GFRA1: variants seen among roughly 807,000 people sequenced by gnomAD.
GFRA1 encodes GDNF family receptor alpha 1.
GFRA1 carries 16 observed loss-of-function variants against 51.6 expected under a neutral mutation model. The observed-to-expected ratio is 0.31, with a 90% CI of 0.21 to 0.47. GFRA1 has a LOEUF of 0.47. Ranked by LOEUF, GFRA1 falls within the 20% of genes least tolerant of loss-of-function variation. The pLI, the probability that GFRA1 is intolerant of heterozygous loss-of-function variation, is 1.00. For synonymous variants in GFRA1, 270 were observed against 241.3 expected (o/e 1.12, Z -1.10); for missense variants, 530 against 594.3 (o/e 0.89, Z 1.13).
chr10:116,177,331 T>C (rs1394585318), intron 5 of GFRA1, among the ~76,000 whole-genome samples: 1 of 152,124 alleles, frequency 6.6e-6, no homozygotes, highest in East Asian at 1.9e-4. Context: ...TGCAATGGTC[T>C]AGGCAAAATA....
chr10:116,073,832 C>T (rs778684819), intron 9 of GFRA1, among the ~76,000 whole-genome samples: 18 of 152,060 alleles, frequency 1.2e-4, no homozygotes, highest in Non-Finnish European at 2.4e-4. Context: ...GGCTCTGTGA[C>T]TTATGGTGGT....
intron 9 of GFRA1, among the ~76,000 whole-genome samples, chr10:116,076,910 T>C (rs1425772399): frequency 2.0e-5 from 3 of 152,142 alleles, no homozygotes; most frequent in African/African-American, 7.2e-5. Flanking sequence ...GACAATGAGA[T>C]CATGCCTTCT....
intron 5 of GFRA1, among the ~76,000 whole-genome samples, chr10:116,158,963 T>C (rs950447356): frequency 2.0e-5 from 3 of 152,212 alleles, no homozygotes; most frequent in Admixed American, 6.5e-5. Flanking sequence ...ACCAAACGCA[T>C]GGGCATCCCA....
intron 5 of GFRA1, among the ~76,000 whole-genome samples, chr10:116,175,780 C>T (rs983146868): frequency 2.0e-5 from 3 of 152,208 alleles, no homozygotes; most frequent in East Asian, 3.8e-4. Context: ...CACTGCTTTT[C>T]AAATTCAGGA....
In GFRA1 at chr10:116,057,272, G is replaced by GA. The variant is rs1007446571; in HGVS notation, c.*7125dup. The GA allele has an allele frequency of 4.5e-4, 69 of 152,270 alleles. No individual in the cohort carries two copies. The highest frequency in any genetic ancestry group is 1.6e-3 in the African/African-American group (66 of 41,554). The allele number at this position is 152,270 out of a possible 1,614,324, so 9.4% of individuals were successfully genotyped here. A position where few individuals can be genotyped will look rare whatever the true frequency, so the allele number is the denominator to read the frequency against. ...CAGTAAACACACAATATAACATGGA[G>GA]ACCCGCCCGAAGCCTAACTGGAGGC... On this transcript the variant is annotated 3_prime_UTR_variant, in exon 11 of 11. Transcript: ENST00000355422.
At chr10:116,210,976 C>T (rs2134441679) in intron 5 of GFRA1, among the ~76,000 whole-genome samples, 1 of 152,244 alleles carries the variant, frequency 6.6e-6, no homozygotes, top group Admixed American at 6.5e-5. Flanking sequence ...CCTGCTGCAC[C>T]CCAGAGCACA....
intron 5 of GFRA1, among the ~76,000 whole-genome samples, chr10:116,127,786 G>A (rs1957937839): frequency 6.6e-6 from 1 of 152,106 alleles, no homozygotes. Context: ...TTGAGCCCAG[G>A]GCAGTGATTT....
chr10:116,188,631 C>T (rs991819473), intron 5 of GFRA1, among the ~76,000 whole-genome samples: 12 of 152,212 alleles, frequency 7.9e-5, no homozygotes, highest in East Asian at 1.9e-4. Flanking sequence ...GGGCCGGGCA[C>T]GGTGGCTCAC....
chr10:116,113,681 G>A (rs1400747422), intron 6 of GFRA1, among the ~76,000 whole-genome samples: 1 of 152,156 alleles, frequency 6.6e-6, no homozygotes, highest in Non-Finnish European at 1.5e-5. Context: ...CAGACCCTCT[G>A]GGTTCCTTGA....
At chr10:116,138,758 G>T (rs547192748) in intron 5 of GFRA1, among the ~76,000 whole-genome samples, 1 of 151,712 alleles carries the variant, frequency 6.6e-6, no homozygotes, top group South Asian at 2.1e-4. Flanking sequence ...GCCTCAGTGA[G>T]CCTTCATGTT....
intron 4 of GFRA1, among the ~76,000 whole-genome samples, chr10:116,220,367 C>T (rs1346220959): frequency 1.3e-5 from 2 of 152,160 alleles, no homozygotes; most frequent in African/African-American, 4.8e-5. Flanking sequence ...TTTTATCACA[C>T]ATGTATTCCT....
At position 116,105,768 on chromosome 10, in the gene GFRA1, CCACAACTAG is replaced by C. The variant is rs545023798; in HGVS notation, c.771-9013_771-9005del. Among the ~76,000 whole-genome samples the C allele has an allele frequency of 1.2e-3, 177 of 152,254 alleles. 2 individuals are homozygous for C. Among genetic ancestry groups the C allele is most frequent in the African/African-American group, 3.9e-3 (164 of 41,548 alleles). On this transcript the variant is annotated intron_variant, in intron 6 of 10. Transcript: ENST00000355422. ...GGGGTTAAGATATTCATAACTAATT[CCACAACTAG>C]CTCATGATACCCCCAAATTAAAAAC...
At chr10:116,237,625 T>C (rs1428296490) in intron 4 of GFRA1, among the ~76,000 whole-genome samples, 1 of 149,218 alleles carries the variant, frequency 6.7e-6, no homozygotes, top group Non-Finnish European at 1.5e-5. Flanking sequence ...CTTTCTTCGA[T>C]ACTTCCTGTT....
intron 9 of GFRA1, among the ~76,000 whole-genome samples, chr10:116,082,651 G>GTAT (rs931632973): frequency 3.3e-5 from 5 of 152,016 alleles, no homozygotes; most frequent in Non-Finnish European, 5.9e-5. Flanking sequence ...GGCTAATTTT[G>GTAT]TATTTTTAGT....
chr10:116,092,014 C>G lies in GFRA1; in HGVS notation c.1015+1688G>C, dbSNP rs74158567. The stretch of plus-strand genomic sequence containing the variant: ...TGAGCAAAATCTTTTCTTGCACTGA[C>G]CTCCATCGTCATTGCTTTATCTTCG... On this transcript the variant is annotated intron_variant, in intron 8 of 10. Coordinates refer to ENST00000355422, the MANE Select transcript of GFRA1 (RefSeq NM_005264.8). 4.7e-3 allele frequency among the ~76,000 whole-genome samples: 720 copies of G among 152,056 alleles called. 7 individuals carry two copies. The highest frequency in any genetic ancestry group is 0.016 in the African/African-American group (681 of 41,530).
At chr10:116,237,354 T>G (rs1966952540) in intron 4 of GFRA1, among the ~76,000 whole-genome samples, 1 of 152,172 alleles carries the variant, frequency 6.6e-6, no homozygotes, top group Admixed American at 6.5e-5. Flanking sequence ...CTTCTGTTAC[T>G]GTAATTTACA....
At position 116,058,039 on chromosome 10, in the gene GFRA1, T is replaced by TGAGAGA. The variant is rs1443178753; in HGVS notation, c.*6358_*6359insTCTCTC. 1.7e-5 allele frequency: 2 copies of TGAGAGA among 116,188 alleles called. No homozygotes were observed. The highest frequency in any genetic ancestry group is 1.8e-5 in the Non-Finnish European group (1 of 55,436). The allele number at this position is 116,188 out of a possible 1,614,324, so 7.2% of individuals were successfully genotyped here. On this transcript the variant is annotated 3_prime_UTR_variant, in exon 11 of 11. Transcript: ENST00000355422. ...GTGTGTGTGTGTGTGTGTGTGTGTG[T>TGAGAGA]GTGACAGAGAGAACCACGCTTTATT... is the stretch of plus-strand genomic sequence containing the variant.
Position 116,096,729 on chromosome 10 carries a change from G to C in GFRA1, c.806C>G (p.Pro269Arg), listed in dbSNP as rs751342287. Residue 269 changes from proline (P) to arginine (R), a missense_variant, in exon 7 of 11, where the codon CCA becomes CGA. Pro to Arg is a moderately radical substitution (Grantham distance 103). Coordinates refer to ENST00000355422, the MANE Select transcript of GFRA1 (RefSeq NM_005264.8). ...ACAGCTGCTGACAGACCTTGACTCT[G>C]GCTGGCAGTTGGTAAAAAAATCCGC... The part of the protein sequence containing the change: ...RLADFFTNCQ[P>R]ESRSVSSCLK... 9 of 1,612,554 alleles carry C rather than the reference G, an allele frequency of 5.6e-6. No individual in the cohort carries two copies. The highest frequency in any genetic ancestry group is 7.6e-6 in the Non-Finnish European group (9 of 1,178,886).
intron 7 of GFRA1, among the ~76,000 whole-genome samples, chr10:116,094,254 G>T (rs1035689723): frequency 2.6e-5 from 4 of 152,170 alleles, no homozygotes; most frequent in African/African-American, 9.7e-5. Context: ...ACTTCCCCCA[G>T]AAGCAAATGG....
Sources: gnomAD v4.1 joint callset for allele counts (sites outside exome capture counted in the v4.1 genomes callset) on GRCh38, gnomAD v4.1.1 for gene constraint, MANE v1.5 for transcripts, NCBI Gene and HGNC (gene_info 2026-07-23, HGNC 2026-07-21) for gene names.